The following RABL2B variants were observed in gnomAD, a reference collection of about 807,000 sequenced individuals.
RABL2B encodes the protein rab-like protein 2B.
Under a neutral mutation model 26.7 loss-of-function variants are expected in RABL2B, and 17 were observed. That is an observed-to-expected ratio of 0.64 (90% CI 0.44 to 0.95). RABL2B has a LOEUF of 0.95. Among genes scored for constraint, RABL2B ranks in the 40% least tolerant of loss-of-function variants. The pLI is 0.00. For missense variants in RABL2B, 170 were observed against 277.2 expected (o/e 0.61, Z 2.75); for synonymous variants, 70 against 103.9 (o/e 0.67, Z 1.99).
In RABL2B at chr22:50,767,587, G is replaced by A. The variant is rs57699908; in HGVS notation, c.*1189C>T. ...AATAAACACAATGCAAACAATGCCC[G>A]AGATTATCATAAAAACATACTAGCA... On this transcript the variant is annotated 3_prime_UTR_variant, in exon 9 of 9. Transcript: ENST00000691320. 1.7e-3 allele frequency: 557 copies of A among 335,320 alleles called. 2 individuals are homozygous for A. The highest frequency in any genetic ancestry group is 0.011 in the African/African-American group (518 of 45,206). 20.8% of individuals were successfully genotyped at this position (335,320 alleles called of 1,614,324 possible).
intron 5 of RABL2B, among the ~76,000 whole-genome samples, chr22:50,774,078 G>A (rs1555921313): frequency 6.6e-6 from 1 of 152,102 alleles, no homozygotes; most frequent in Admixed American, 6.5e-5. Flanking sequence ...TGTATTTTTA[G>A]TAGAGACGGG....
Position 50,767,984 on chromosome 22 carries a change from G to A in RABL2B, c.*792C>T, listed in dbSNP as rs1441938306. On this transcript the variant is annotated 3_prime_UTR_variant, in exon 9 of 9. Transcript: ENST00000691320. The stretch of plus-strand genomic sequence containing the variant: ...AAACAGATGATTGGGGCCGGGCGCG[G>A]TGGCTCATGCCTGTAATCCCAGCAC... 1.3e-5 allele frequency: 4 copies of A among 314,648 alleles called. No homozygotes were observed. Among genetic ancestry groups the A allele is most frequent in the African/African-American group, 6.9e-5 (3 of 43,402 alleles). The allele number at this position is 314,648 out of a possible 1,614,324, so 19.5% of individuals were successfully genotyped here.
intron 5 of RABL2B, among the ~76,000 whole-genome samples, chr22:50,775,256 G>C (rs1259904153): frequency 2.0e-5 from 3 of 151,996 alleles, no homozygotes; most frequent in Non-Finnish European, 2.9e-5. Flanking sequence ...CTCTTGGAGC[G>C]ACTGCTTCAC....
intron 2 of RABL2B, 90 bp from the exon 3 acceptor site, chr22:50,778,071 C>G: frequency 1.3e-6 from 2 of 1,585,154 alleles, no homozygotes; most frequent in Non-Finnish European, 8.7e-7. Context: ...AACCTGGAAG[C>G]CACCTGTGGC....
chr22:50,770,636 T>A (rs2084003738), intron 5 of RABL2B: 1 of 152,686 alleles, frequency 6.5e-6, no homozygotes, highest in Non-Finnish European at 1.5e-5. Flanking sequence ...TTAGAAATTG[T>A]AAAAACTTTT....
intron 2 of RABL2B, among the ~76,000 whole-genome samples, chr22:50,781,097 T>C (rs1420904606): frequency 6.6e-6 from 1 of 151,980 alleles, no homozygotes; most frequent in African/African-American, 2.4e-5. Context: ...TCCCAGCACT[T>C]TCGGAGGCTG....
At chr22:50,777,739 C>A in intron 3 of RABL2B, 1 of 678,528 alleles carries the variant, frequency 1.5e-6, no homozygotes, top group Non-Finnish European at 2.7e-6. Context: ...ATAAAACAAT[C>A]CAAATATGAG....
intron 5 of RABL2B, among the ~76,000 whole-genome samples, chr22:50,773,816 C>T (rs1279984526): frequency 7.9e-5 from 12 of 151,750 alleles, no homozygotes; most frequent in African/African-American, 1.9e-4. Context: ...AAGGTAAGGC[C>T]GTGCGTATTT....
At chr22:50,778,552 C>T (rs1346078748) in intron 2 of RABL2B, among the ~76,000 whole-genome samples, 1 of 152,156 alleles carries the variant, frequency 6.6e-6, no homozygotes, top group African/African-American at 2.4e-5. Context: ...GGTCAGTTAT[C>T]CCGTGAAAAA....
At chr22:50,780,438 G>A (rs1222948296) in intron 2 of RABL2B, among the ~76,000 whole-genome samples, 1 of 126,286 alleles carries the variant, frequency 7.9e-6, no homozygotes, top group Non-Finnish European at 1.6e-5. Context: ...GTCTTGCTCT[G>A]TCACTAGGCT....
intron 3 of RABL2B, among the ~76,000 whole-genome samples, chr22:50,777,424 C>T (rs1190109128): frequency 1.4e-5 from 2 of 142,972 alleles, no homozygotes; most frequent in African/African-American, 2.6e-5. Context: ...GGGCTCCTCT[C>T]ACCTGTGGTT....
chr22:50,774,395 T>C (rs1255685181), intron 5 of RABL2B, among the ~76,000 whole-genome samples: 4 of 151,240 alleles, frequency 2.6e-5, no homozygotes, highest in South Asian at 4.2e-4. Flanking sequence ...CTTTGGATAC[T>C]TGATCTTGGG....
At chr22:50,774,735 ACTAGT>A (rs1331020063) in intron 5 of RABL2B, among the ~76,000 whole-genome samples, 121 of 151,554 alleles carry the variant, frequency 8.0e-4, no homozygotes, top group African/African-American at 2.8e-3. Context: ...AATTCAGAAG[ACTAGT>A]CTATTACTTT....
intron 6 of RABL2B, 36 bp from the exon 7 acceptor site, chr22:50,769,588 A>T (rs1555916731): frequency 1.2e-6 from 2 of 1,613,588 alleles, no homozygotes; most frequent in South Asian, 2.2e-5. Context: ...TCTGTCTGTC[A>T]AGGGAAGGGA....
Position 50,781,342 on chromosome 22 carries a change from T to A in RABL2B, c.107+846A>T, listed in dbSNP as rs1430116544. Among the ~76,000 whole-genome samples, 8 of 100,898 alleles carry A rather than the reference T, an allele frequency of 7.9e-5. No homozygotes were observed. The East Asian group carries it at 1.1e-3, about 14-fold the overall frequency. 66.2% of individuals were successfully genotyped at this position (100,898 alleles called of 152,430 possible). A position where few individuals can be genotyped will look rare whatever the true frequency, so the allele number is the denominator to read the frequency against. On this transcript the variant is annotated intron_variant, in intron 2 of 8. Transcript: ENST00000691320. Reference sequence around the variant, plus strand: ...CTGGGGGACAGAGCGAGACTCCGTCTCAAAAAAAAAAAAAAAAAAACTAAA... The same window carrying A: ...CTGGGGGACAGAGCGAGACTCCGTCACAAAAAAAAAAAAAAAAAAACTAAA...
In RABL2B at chr22:50,769,558, G is replaced by T. The variant is rs375510798; in HGVS notation, c.410-6C>A. 1.1e-5 allele frequency: 17 copies of T among 1,610,454 alleles called. No individual in the cohort carries two copies. The African/African-American group carries it at 2.4e-4, about 22-fold the overall frequency. On this transcript the variant is annotated splice_region_variant and splice_polypyrimidine_tract_variant and intron_variant, in intron 6 of 8. Coordinates refer to ENST00000691320, the MANE Select transcript of RABL2B (RefSeq NM_001130919.3). ...TTGGGTCACGTTTATGTCTGCTGTA[G>T]AGAGAAGGTAGGACATTGGTCTGTC...
rs546595196 is a variant in RABL2B at position 50,776,669 on chromosome 22, C to A, written c.217+1G>T. 9.3e-6 allele frequency: 15 copies of A among 1,607,182 alleles called. No individual in the cohort carries two copies. In the Admixed American group the frequency reaches 1.2e-4, roughly 13 times the overall value. ...GCATGTCTTGGCCCTGTGCCACTTA[C>A]CCACAAGGATGGTCCTTCCATCTAC... On this transcript the variant is annotated splice_donor_variant, in intron 4 of 8. Coordinates refer to ENST00000691320, the MANE Select transcript of RABL2B (RefSeq NM_001130919.3). LOFTEE classifies it high-confidence loss of function.
At position 50,768,409 on chromosome 22, in the gene RABL2B, GA is replaced by G. The variant is rs1569139421; in HGVS notation, c.*366del. The G allele has an allele frequency of 3.1e-6, 1 of 319,430 alleles. No homozygotes were observed. The highest frequency in any genetic ancestry group is 2.3e-5 in the African/African-American group (1 of 44,316). 19.8% of individuals were successfully genotyped at this position (319,430 alleles called of 1,614,324 possible). On this transcript the variant is annotated 3_prime_UTR_variant, in exon 9 of 9. Transcript: ENST00000691320. ...TTGTCCCCGAGGTGAGCTTTGGAAA[GA>G]AAACAAAAACAAAAACAAAAACACC...
At chr22:50,783,330 A>G (rs1321803557) in intron 1 of RABL2B, 171 bp downstream of exon 1, 1 of 153,870 alleles carries the variant, frequency 6.5e-6, no homozygotes, top group Admixed American at 6.5e-5. Context: ...TTGGCCACCA[A>G]CCATGTCCAG....
Sources: gnomAD v4.1 joint callset for allele counts (sites outside exome capture counted in the v4.1 genomes callset) on GRCh38, gnomAD v4.1.1 for gene constraint, MANE v1.5 for transcripts, NCBI Gene and HGNC (gene_info 2026-07-23, HGNC 2026-07-21) for gene names.